MAP4K4: variants seen among roughly 807,000 people sequenced by gnomAD.
The protein encoded by MAP4K4 is mitogen-activated protein kinase kinase kinase kinase 4.
MAP4K4 carries 38 observed loss-of-function variants against 189.6 expected under a neutral mutation model. The observed-to-expected ratio is 0.20, with a 90% CI of 0.15 to 0.26. The LOEUF (loss-of-function observed/expected upper bound fraction) is 0.26, where lower values mean the gene tolerates loss of function less well. MAP4K4 is among the 10% of genes least tolerant of loss of function. MAP4K4 has a pLI of 1.00. For missense variants in MAP4K4, 1,054 were observed against 1,726.9 expected, an observed-to-expected ratio of 0.61 and a Z score of 6.91; for synonymous variants, 610 against 624.3, an observed-to-expected ratio of 0.98 and a Z score of 0.34.
intron 2 of MAP4K4, among the ~76,000 whole-genome samples, chr2:101,709,987 G>C (rs1050186742): frequency 5.9e-5 from 9 of 152,118 alleles, no homozygotes; most frequent in Non-Finnish European, 1.2e-4. Context: ...GTTCTTACTT[G>C]CTGTGACAGT....
chr2:101,754,407 A>G (rs1449249915), intron 2 of MAP4K4, among the ~76,000 whole-genome samples: 3 of 135,112 alleles, frequency 2.2e-5, no homozygotes, highest in African/African-American at 5.8e-5. Flanking sequence ...GCTGGAGTGC[A>G]GTGGCGTGAT....
intron 7 of MAP4K4, among the ~76,000 whole-genome samples, chr2:101,832,589 C>T (rs1447534021): frequency 6.6e-6 from 1 of 152,004 alleles, no homozygotes; most frequent in South Asian, 2.1e-4. Flanking sequence ...AATAGATAAC[C>T]GACTTTGTGA....
At chr2:101,781,109 C>T (rs192538079) in intron 2 of MAP4K4, among the ~76,000 whole-genome samples, 83 of 152,228 alleles carry the variant, frequency 5.5e-4, no homozygotes, top group Non-Finnish European at 9.9e-4. Context: ...TTGCCAGTGC[C>T]CTTTGACTGT....
At chr2:101,726,788 C>G (rs113415873) in intron 2 of MAP4K4, among the ~76,000 whole-genome samples, 2 of 152,170 alleles carry the variant, frequency 1.3e-5, no homozygotes, top group Non-Finnish European at 2.9e-5. Flanking sequence ...CATTTTGACC[C>G]TCTCAGTCCT....
intron 12 of MAP4K4, 118 bp downstream of exon 12, chr2:101,844,429 C>A: frequency 1.3e-6 from 1 of 778,822 alleles, no homozygotes. Context: ...TATCCCCTGG[C>A]ACAGCTGTTT....
intron 2 of MAP4K4, among the ~76,000 whole-genome samples, chr2:101,717,459 G>A (rs1373221429): frequency 6.6e-6 from 1 of 152,206 alleles, no homozygotes; most frequent in African/African-American, 2.4e-5. Flanking sequence ...AGGTTTAAGT[G>A]CCTAAGTTTA....
chr2:101,760,500 C>G (rs1043293471), intron 2 of MAP4K4, among the ~76,000 whole-genome samples: 1 of 91,104 alleles, frequency 1.1e-5, no homozygotes, highest in African/African-American at 7.0e-5. Context: ...AAAAAAAAAA[C>G]AAAATATATA....
At chr2:101,863,231 T>C (rs940932860) in intron 16 of MAP4K4, among the ~76,000 whole-genome samples, 4 of 152,210 alleles carry the variant, frequency 2.6e-5, no homozygotes, top group African/African-American at 9.6e-5. Context: ...TTATGGGTGT[T>C]TGTAGACTTG....
chr2:101,855,937 C>G, intron 12 of MAP4K4, 40 bp from the exon 13 acceptor site: 1 of 1,529,604 alleles, frequency 6.5e-7, no homozygotes, highest in Non-Finnish European at 8.8e-7. Flanking sequence ...AGAAAGATGG[C>G]GGGAAGATCC....
chr2:101,811,419 T>C (rs1404084706), intron 3 of MAP4K4, among the ~76,000 whole-genome samples: 1 of 149,724 alleles, frequency 6.7e-6, no homozygotes, highest in African/African-American at 2.5e-5. Context: ...TGCTGGCCTG[T>C]GGCTTCCCTG....
At chr2:101,733,755 C>G (rs1299723215) in intron 2 of MAP4K4, among the ~76,000 whole-genome samples, 1 of 152,192 alleles carries the variant, frequency 6.6e-6, no homozygotes, top group Non-Finnish European at 1.5e-5. Context: ...GCCAGTGGTT[C>G]CCTTCTCCAG....
chr2:101,705,958 G>A (rs1038338167), intron 2 of MAP4K4, among the ~76,000 whole-genome samples: 1 of 151,924 alleles, frequency 6.6e-6, no homozygotes, highest in African/African-American at 2.4e-5. Flanking sequence ...TCTCAGATAT[G>A]GCTAAATATG....
chr2:101,733,212 A>G (rs1286342100), intron 2 of MAP4K4, among the ~76,000 whole-genome samples: 1 of 152,214 alleles, frequency 6.6e-6, no homozygotes, highest in African/African-American at 2.4e-5. Context: ...CCTGCAGGGT[A>G]CACCTGAGCC....
At chr2:101,795,748 G>A (rs147683348) in intron 3 of MAP4K4, among the ~76,000 whole-genome samples, 2 of 152,266 alleles carry the variant, frequency 1.3e-5, no homozygotes, top group Non-Finnish European at 2.9e-5. Flanking sequence ...GAGCTAAGAA[G>A]TACATTTTTT....
chr2:101,874,161 T>C, exon 26 of MAP4K4: 1 of 1,613,852 alleles, frequency 6.2e-7, no homozygotes, highest in Non-Finnish European at 8.5e-7. Context: ...TCAATGTGAA[T>C]CCTACCAACA....
At chr2:101,893,277 C>G (rs2098594837) in exon 33 of MAP4K4, 1 of 456,026 alleles carries the variant, frequency 2.2e-6, no homozygotes, top group African/African-American at 2.0e-5. Context: ...GAGAAGCTTA[C>G]TTTTTGGGGA....
intron 3 of MAP4K4, among the ~76,000 whole-genome samples, chr2:101,819,148 C>T (rs1481162649): frequency 6.6e-6 from 1 of 152,144 alleles, no homozygotes; most frequent in Non-Finnish European, 1.5e-5. Context: ...TTTTAGCTGG[C>T]CCCTAGTCTG....
rs115688052 is a variant in MAP4K4, at chr2:101,745,115, A to G, written c.124-45605A>G. Among the ~76,000 whole-genome samples the G allele has an allele frequency of 9.2e-3, 1,393 of 152,136 alleles. 31 individuals carry two copies. Among genetic ancestry groups the G allele is most frequent in the African/African-American group, 0.032 (1,344 of 41,490 alleles). On this transcript the variant is annotated intron_variant, in intron 2 of 32. Coordinates refer to ENST00000324219, the Ensembl canonical transcript of MAP4K4. ...ATATAGATAGAATGATGACGTTGGG[A>G]CTTGATTTTTTGACAAGTATTTGAT...
At chr2:101,815,525 C>A (rs1164803283) in intron 3 of MAP4K4, among the ~76,000 whole-genome samples, 2 of 151,890 alleles carry the variant, frequency 1.3e-5, no homozygotes, top group Non-Finnish European at 2.9e-5. Context: ...TTTTCTTTCC[C>A]CCCCTCTCTC....
Sources: allele counts gnomAD v4.1 joint callset (sites outside exome capture counted in the v4.1 genomes callset), GRCh38; gene constraint gnomAD v4.1.1; transcripts MANE v1.5; gene names NCBI Gene and HGNC (gene_info 2026-07-23, HGNC 2026-07-21).